Variants in SMCHD1 observed in about 807,000 individuals in gnomAD.
SMCHD1 encodes the protein structural maintenance of chromosomes flexible hinge domain containing 1.
Under a neutral mutation model 254.7 loss-of-function variants are expected in SMCHD1, and 78 were observed. The observed-to-expected ratio is 0.31, with a 90% CI of 0.26 to 0.37. The LOEUF is 0.37. SMCHD1 is among the 10% of genes least tolerant of loss of function. The pLI, the probability that SMCHD1 is intolerant of heterozygous loss-of-function variation, is 1.00. For missense variants in SMCHD1, 1,840 were observed against 2,408.1 expected (o/e 0.76, Z 4.94); for synonymous variants, 766 against 794.9 (o/e 0.96, Z 0.61).
chr18:2,689,154 G>A (rs1007784414), intron 7 of SMCHD1, among the ~76,000 whole-genome samples: 4 of 151,756 alleles, frequency 2.6e-5, no homozygotes, highest in African/African-American at 7.3e-5. Context: ...AATCTTGGTG[G>A]CAAGTAAATG....
chr18:2,754,413 C>G (rs987897208), intron 34 of SMCHD1, among the ~76,000 whole-genome samples: 2 of 152,066 alleles, frequency 1.3e-5, no homozygotes, highest in Non-Finnish European at 2.9e-5. Flanking sequence ...GGGGTGATGT[C>G]CAAGGGAAAG....
chr18:2,768,064 T>C (rs985904673), intron 37 of SMCHD1, among the ~76,000 whole-genome samples: 7 of 152,136 alleles, frequency 4.6e-5, no homozygotes, highest in African/African-American at 1.7e-4. Context: ...GTTAGTGAAT[T>C]GTTATGTGGT....
Position 2,747,574 on chromosome 18 carries a change from T to C in SMCHD1, c.3854T>C (p.Leu1285Pro). 6.2e-7 allele frequency: 1 copy of C among 1,610,244 alleles called. No individual in the cohort carries two copies. ...TTACAGAACCCTATTATTGTTCAAC[T>C]TTGTGATCAGTGGGATAATCCAGCA... is the stretch of plus-strand genomic sequence containing the variant. ...RDLQNPIIVQ[L>P]CDQWDNPAPV... Residue 1285 changes from leucine to proline, a missense_variant, in exon 30 of 48, where the codon CTT becomes CCT. Leu to Pro is a moderately conservative substitution (Grantham distance 98). Coordinates refer to ENST00000320876, the MANE Select transcript of SMCHD1 (RefSeq NM_015295.3).
intron 45 of SMCHD1, among the ~76,000 whole-genome samples, chr18:2,791,979 A>G (rs908533191): frequency 3.3e-5 from 5 of 152,232 alleles, no homozygotes; most frequent in Non-Finnish European, 5.9e-5. Context: ...GTTTAATTTT[A>G]TAATAAATCA....
chr18:2,657,688 A>T (rs2073113130), intron 1 of SMCHD1, among the ~76,000 whole-genome samples: 1 of 151,962 alleles, frequency 6.6e-6, no homozygotes, highest in Non-Finnish European at 1.5e-5. Flanking sequence ...TATTCTATTA[A>T]TTTTTTCACT....
intron 47 of SMCHD1, among the ~76,000 whole-genome samples, chr18:2,797,031 T>G (rs1316183268): frequency 2.0e-5 from 3 of 152,238 alleles, no homozygotes; most frequent in Admixed American, 1.3e-4. Context: ...TCTAAATAAC[T>G]TGTGCTAATT....
At chr18:2,662,113 T>G (rs1195808141) in intron 1 of SMCHD1, among the ~76,000 whole-genome samples, 1 of 135,320 alleles carries the variant, frequency 7.4e-6, no homozygotes, top group African/African-American at 3.0e-5. Flanking sequence ...GAGCCGAGAT[T>G]GCGCCACTGC....
At chr18:2,719,887 C>G (rs2074887884) in intron 19 of SMCHD1, among the ~76,000 whole-genome samples, 1 of 152,156 alleles carries the variant, frequency 6.6e-6, no homozygotes. Flanking sequence ...GTTGGTGAGG[C>G]TGGTCTTGAA....
intron 5 of SMCHD1, among the ~76,000 whole-genome samples, chr18:2,681,528 T>G (rs968573359): frequency 3.5e-5 from 5 of 143,110 alleles, no homozygotes; most frequent in Non-Finnish European, 7.5e-5. Context: ...GAGGCCGCAG[T>G]AATCCATGAT....
intron 28 of SMCHD1, among the ~76,000 whole-genome samples, chr18:2,741,158 C>G (rs1463220478): frequency 6.6e-6 from 1 of 152,010 alleles, no homozygotes; most frequent in African/African-American, 2.4e-5. Context: ...AATAAAATTT[C>G]TTGATGTTTA....
chr18:2,712,066 A>G (rs2074689565), intron 17 of SMCHD1, among the ~76,000 whole-genome samples: 1 of 152,140 alleles, frequency 6.6e-6, no homozygotes, highest in Non-Finnish European at 1.5e-5. Context: ...CCAAATAAAC[A>G]TCCTTTTCTT....
At chr18:2,751,225 A>G in intron 32 of SMCHD1, 53 bp from the exon 33 acceptor site, 1 of 943,734 alleles carries the variant, frequency 1.1e-6, no homozygotes, top group Non-Finnish European at 1.6e-6. Context: ...TTATTTAACC[A>G]TATCCATTAA....
Position 2,732,238 on chromosome 18 carries a change from AGTGTTTGTGTT to A in SMCHD1, c.3049-26_3049-16del. On this transcript the variant is annotated splice_polypyrimidine_tract_variant and intron_variant, in intron 24 of 47. Coordinates refer to ENST00000320876, the MANE Select transcript of SMCHD1 (RefSeq NM_015295.3). ...TAAAATTTCAGTACAGATATCACTCAGTGTTTGTGTTTTCTTCTCTTTCTAGAGTTGTAAAG... is the reference window on the plus strand; with the variant it reads ...TAAAATTTCAGTACAGATATCACTCATTCTTCTCTTTCTAGAGTTGTAAAG... 6.4e-7 allele frequency: 1 copy of A among 1,559,390 alleles called. No homozygotes were observed. Among genetic ancestry groups the A allele is most frequent in the Non-Finnish European group, 8.8e-7 (1 of 1,135,718 alleles).
In SMCHD1 at chr18:2,729,312, A is replaced by T; in HGVS notation, c.2951A>T (p.Asp984Val). The change falls in exon 24 of 48, where the codon GAT (aspartate) becomes GTT (valine). Residue 984 changes from aspartate (D) to valine (V), a missense_variant. Physicochemically the swap from Asp to Val is radical, Grantham distance 152. Transcript: ENST00000320876. Reference protein sequence around the residue: ...GAPNLPVYVVDCSSSGTSILT... With the variant: ...GAPNLPVYVVVCSSSGTSILT... ...CCAAACCTTCCAGTCTATGTTGTAGATTGCAGTAGTTCTGGAACCAGTATT... is the reference window on the plus strand; with the variant it reads ...CCAAACCTTCCAGTCTATGTTGTAGTTTGCAGTAGTTCTGGAACCAGTATT... The T allele has an allele frequency of 6.4e-7, 1 of 1,556,754 alleles. No homozygotes were observed. Among genetic ancestry groups the T allele is most frequent in the South Asian group, 1.2e-5 (1 of 82,496 alleles).
chr18:2,777,066 C>CCG (rs1555653826), intron 42 of SMCHD1, among the ~76,000 whole-genome samples: 4 of 147,326 alleles, frequency 2.7e-5, no homozygotes, highest in South Asian at 2.4e-4. Context: ...ACCACCTCCC[C>CCG]CCCCCATACC....
chr18:2,745,269 T>C (rs2075431403), intron 29 of SMCHD1, among the ~76,000 whole-genome samples: 1 of 152,190 alleles, frequency 6.6e-6, no homozygotes, highest in South Asian at 2.1e-4. Flanking sequence ...TTCTTCTGCC[T>C]CATTCTCGCA....
At chr18:2,710,073 A>G (rs1227138202) in intron 17 of SMCHD1, among the ~76,000 whole-genome samples, 3 of 152,134 alleles carry the variant, frequency 2.0e-5, no homozygotes, top group African/African-American at 4.8e-5. Context: ...TGACTTTTGC[A>G]TATGGTTAAC....
At position 2,762,388 on chromosome 18, in the gene SMCHD1, C is replaced by A. The variant is rs142088730; in HGVS notation, c.4566+152C>A. Reference sequence around the variant, plus strand: ...AGATGAATTAAATATTTATAAATATCTTTGTATTTGAATACAAATAGAGAA... The same window carrying A: ...AGATGAATTAAATATTTATAAATATATTTGTATTTGAATACAAATAGAGAA... On this transcript the variant is annotated intron_variant, in intron 36 of 47. Coordinates refer to ENST00000320876, the MANE Select transcript of SMCHD1 (RefSeq NM_015295.3). 7.8e-3 allele frequency among the ~76,000 whole-genome samples: 1,181 copies of A among 151,702 alleles called. 2 individuals carry two copies. The highest frequency in any genetic ancestry group is 0.013 in the Non-Finnish European group (852 of 67,946).
At chr18:2,795,816 A>G (rs2143860330) in intron 45 of SMCHD1, 133 bp from the exon 46 acceptor site, 2 of 602,694 alleles carry the variant, frequency 3.3e-6, no homozygotes, top group East Asian at 3.3e-5. Flanking sequence ...TTTATATTGA[A>G]TGTTTTATGG....
Sources: gnomAD v4.1 joint callset for allele counts (sites outside exome capture counted in the v4.1 genomes callset) on GRCh38, gnomAD v4.1.1 for gene constraint, MANE v1.5 for transcripts, NCBI Gene and HGNC (gene_info 2026-07-23, HGNC 2026-07-21) for gene names.